ARGLU1: variants seen among roughly 807,000 people sequenced by gnomAD.
ARGLU1 encodes the protein arginine and glutamate rich 1, also known as arginine and glutamate-rich protein 1.
In ARGLU1, 9 loss-of-function variants were observed where a neutral mutation model predicts 37.6. The ratio of observed to expected loss-of-function variants is 0.24; its 90% CI spans 0.14 to 0.42. The LOEUF is 0.42. Among genes scored for constraint, ARGLU1 ranks in the 10% least tolerant of loss-of-function variants. ARGLU1 has a pLI of 1.00. For missense variants in ARGLU1, 211 were observed against 359.2 expected (o/e 0.59, Z 3.34); for synonymous variants, 166 against 138.5 (o/e 1.20, Z -1.39).
intron 3 of ARGLU1, among the ~76,000 whole-genome samples, chr13:106,556,046 T>C (rs1318939453): frequency 6.6e-6 from 1 of 152,160 alleles, no homozygotes; most frequent in Non-Finnish European, 1.5e-5. Flanking sequence ...TCTTCCTATC[T>C]GCACTGAGGT....
chr13:106,561,151 T>A (rs893386123), intron 1 of ARGLU1, among the ~76,000 whole-genome samples: 1 of 152,164 alleles, frequency 6.6e-6, no homozygotes, highest in Non-Finnish European at 1.5e-5. Flanking sequence ...TTGTTTGAAG[T>A]CTTTATCTAC....
Position 106,567,506 on chromosome 13 carries a change from G to T in ARGLU1, c.347+67C>A. 1 of 1,154,206 alleles carries T rather than the reference G, an allele frequency of 8.7e-7. No homozygotes were observed. The allele number at this position is 1,154,206 out of a possible 1,614,324, so 71.5% of individuals were successfully genotyped here. A position where few individuals can be genotyped will look rare whatever the true frequency, so the allele number is the denominator to read the frequency against. On this transcript the variant is annotated intron_variant, in intron 1 of 3. Coordinates refer to ENST00000400198, the MANE Select transcript of ARGLU1 (RefSeq NM_018011.4). This position sits in a 1 kb window ranked among gnomAD's most constrained non-coding sequence, Gnocchi z 4.3. ...CTCCCGGCCCGCACCGTCCCGCCCC[G>T]GCCCCACGCCCTCGCCCCGCGCCCT...
At chr13:106,556,471 C>T (rs1880663753) in intron 3 of ARGLU1, among the ~76,000 whole-genome samples, 1 of 152,176 alleles carries the variant, frequency 6.6e-6, no homozygotes, top group Non-Finnish European at 1.5e-5. Flanking sequence ...CTCAGACCCA[C>T]TTGGATATTT....
intron 2 of ARGLU1, chr13:106,559,066 G>A (rs1462609146): frequency 1.6e-6 from 2 of 1,212,720 alleles, no homozygotes; most frequent in Non-Finnish European, 2.1e-6. Context: ...CAGAATAGAA[G>A]AATATACAAC....
At chr13:106,558,221 A>T in intron 2 of ARGLU1, 2 of 984,934 alleles carry the variant, frequency 2.0e-6, no homozygotes, top group Non-Finnish European at 2.4e-6. Flanking sequence ...TTACTCCAAA[A>T]ATATCTTCAT....
Position 106,567,435 on chromosome 13 carries a change from ACCCGTTCCCGCG to A in ARGLU1, c.347+126_347+137del. The A allele has an allele frequency of 1.8e-6, 1 of 568,364 alleles. No homozygotes were observed. The highest frequency in any genetic ancestry group is 2.6e-5 in the South Asian group (1 of 38,050). The allele number at this position is 568,364 out of a possible 1,614,324, so 35.2% of individuals were successfully genotyped here. ...TGCCCGCCCCGCCGCCGCCTCTCCG[ACCCGTTCCCGCG>A]CCCGGTCCCCAGCCCCGGACCGTCC... On this transcript the variant is annotated intron_variant, in intron 1 of 3. Coordinates refer to ENST00000400198, the MANE Select transcript of ARGLU1 (RefSeq NM_018011.4). The surrounding 1 kb of genome is among the most constrained non-coding windows in gnomAD (Gnocchi z 4.3).
rs1262418952 is a variant in ARGLU1, at chr13:106,567,183, C to T, written c.347+390G>A. Among the ~76,000 whole-genome samples, 15 of 152,036 alleles carry T rather than the reference C, an allele frequency of 9.9e-5. No homozygotes were observed. Among genetic ancestry groups the T allele is most frequent in the Non-Finnish European group, 2.2e-4 (15 of 68,000 alleles). ...CCTTCTCTCTCCTCCTCAAGCCGAC[C>T]AGCAAACGCTCACCACCCTCCACAT... On this transcript the variant is annotated intron_variant, in intron 1 of 3. Transcript: ENST00000400198. The surrounding 1 kb of genome is among the most constrained non-coding windows in gnomAD (Gnocchi z 4.3).
At chr13:106,547,671 T>A (rs1471069155) in intron 3 of ARGLU1, among the ~76,000 whole-genome samples, 1 of 152,244 alleles carries the variant, frequency 6.6e-6, no homozygotes, top group Non-Finnish European at 1.5e-5. Context: ...TAAAATATTA[T>A]GCATTTGTAT....
intron 3 of ARGLU1, among the ~76,000 whole-genome samples, chr13:106,548,488 A>G (rs1880451631): frequency 6.6e-6 from 1 of 152,140 alleles, no homozygotes; most frequent in Non-Finnish European, 1.5e-5. Context: ...GAGTAATACT[A>G]AGCAACTCAC....
intron 1 of ARGLU1, among the ~76,000 whole-genome samples, chr13:106,566,936 CTTTT>C (rs372122125): frequency 6.9e-6 from 1 of 145,982 alleles, no homozygotes; most frequent in African/African-American, 2.5e-5. Flanking sequence ...AAGGTCTATG[CTTTT>C]TTTTTTTAAC....
chr13:106,559,211 A>C (rs1412450553), intron 2 of ARGLU1: 2 of 1,504,456 alleles, frequency 1.3e-6, no homozygotes, highest in Non-Finnish European at 1.8e-6. Context: ...TAAATCAAAA[A>C]GTATCCTTGA....
At chr13:106,562,755 G>GCC (rs1880845168) in intron 1 of ARGLU1, among the ~76,000 whole-genome samples, 1 of 151,960 alleles carries the variant, frequency 6.6e-6, no homozygotes, top group Admixed American at 6.5e-5. Flanking sequence ...ACTTTGGGAG[G>GCC]CCCAGGCAGG....
In ARGLU1 at chr13:106,543,549, A is replaced by C. The variant is rs556672442; in HGVS notation, c.*447T>G. 10 of 153,472 alleles carry C rather than the reference A, an allele frequency of 6.5e-5. No individual in the cohort carries two copies. Among genetic ancestry groups the C allele is most frequent in the Admixed American group, 5.9e-4 (9 of 15,290 alleles). 9.5% of individuals were successfully genotyped at this position (153,472 alleles called of 1,614,324 possible). A position where few individuals can be genotyped will look rare whatever the true frequency, so the allele number is the denominator to read the frequency against. Reference sequence around the variant, plus strand: ...GTTTAACAATACACCACATAGGTCCAGTAATACCCTGGGAATTTCCCAATG... The same window carrying C: ...GTTTAACAATACACCACATAGGTCCCGTAATACCCTGGGAATTTCCCAATG... On this transcript the variant is annotated 3_prime_UTR_variant, in exon 4 of 4. Coordinates refer to ENST00000400198, the MANE Select transcript of ARGLU1 (RefSeq NM_018011.4).
intron 3 of ARGLU1, among the ~76,000 whole-genome samples, chr13:106,546,464 A>C (rs975652509): frequency 6.6e-6 from 1 of 152,182 alleles, no homozygotes; most frequent in South Asian, 2.1e-4. Context: ...CTACCTGTAC[A>C]TCAGAATCTA....
At chr13:106,550,467 T>C (rs1020883570) in intron 3 of ARGLU1, among the ~76,000 whole-genome samples, 4 of 152,232 alleles carry the variant, frequency 2.6e-5, no homozygotes, top group African/African-American at 9.6e-5. Flanking sequence ...TTACCTGACT[T>C]ACCCAAAACT....
chr13:106,549,276 A>G (rs1387294736), intron 3 of ARGLU1, among the ~76,000 whole-genome samples: 1 of 152,214 alleles, frequency 6.6e-6, no homozygotes, highest in African/African-American at 2.4e-5. Flanking sequence ...GAAATGGATG[A>G]AAAACAGCAC....
At chr13:106,559,345 T>C in intron 2 of ARGLU1, 87 bp downstream of exon 2, 3 of 1,577,244 alleles carry the variant, frequency 1.9e-6, no homozygotes, top group Non-Finnish European at 2.6e-6. Flanking sequence ...CTGTATTCCA[T>C]CTCTTTCTGA....
chr13:106,565,917 T>C (rs186045020), intron 1 of ARGLU1, among the ~76,000 whole-genome samples: 3 of 152,372 alleles, frequency 2.0e-5, no homozygotes, highest in Admixed American at 1.3e-4. Flanking sequence ...ATTTATTCTT[T>C]GCATACCAAG....
chr13:106,563,328 C>G (rs1274338559), intron 1 of ARGLU1, among the ~76,000 whole-genome samples: 1 of 152,128 alleles, frequency 6.6e-6, no homozygotes. Context: ...AAACTAAGAA[C>G]AAGGAGCTGA....
Sources: allele counts gnomAD v4.1 joint callset (sites outside exome capture counted in the v4.1 genomes callset), GRCh38; gene constraint gnomAD v4.1.1; non-coding constraint Gnocchi (gnomAD v3.1); transcripts MANE v1.5; gene names NCBI Gene and HGNC (gene_info 2026-07-23, HGNC 2026-07-21).